Variants in THUMPD2 observed in about 807,000 individuals in gnomAD.
THUMPD2 encodes the protein THUMP domain 2 tRNA and snRNA guanosine methyltransferase.
Under a neutral mutation model 49.4 loss-of-function variants are expected in THUMPD2, and 56 were observed. That is an observed-to-expected ratio of 1.13 (90% CI 0.91 to 1.41). The LOEUF (loss-of-function observed/expected upper bound fraction) is 1.41. THUMPD2 is among the 40% of genes most tolerant of loss of function. The probability of loss-of-function intolerance (pLI) is 0.00; values close to 1 mark genes in which losing one functional copy is unlikely to be tolerated. For synonymous variants in THUMPD2, 237 were observed against 205.2 expected, an observed-to-expected ratio of 1.15 and a Z score of -1.32; for missense variants, 709 against 594.5, an observed-to-expected ratio of 1.19 and a Z score of -2.00.
intron 8 of THUMPD2, among the ~76,000 whole-genome samples, chr2:39,753,116 G>T (rs564767106): frequency 6.3e-4 from 96 of 152,208 alleles, no homozygotes; most frequent in Non-Finnish European, 1.0e-3. Flanking sequence ...AAAAACCCCT[G>T]CTTGATCCCC....
At position 39,761,404 on chromosome 2, in the gene THUMPD2, C is replaced by T; in HGVS notation, c.818G>A (p.Ser273Asn). Residue 273 changes from serine to asparagine, a missense_variant, in exon 6 of 10, where the codon AGC becomes AAC. Coordinates refer to ENST00000505747, the MANE Select transcript of THUMPD2 (RefSeq NM_025264.5). ...GIPVFRVSLA[S>N]RAYIKTAGLR... The stretch of plus-strand genomic sequence containing the variant: ...TCCAGCTGTCTTGATGTAAGCTCTG[C>T]TGGCTAGGGAAACCCTACAAAGGAT... 6.2e-7 allele frequency: 1 copy of T among 1,613,692 alleles called. No homozygotes were observed. The highest frequency in any genetic ancestry group is 8.5e-7 in the Non-Finnish European group (1 of 1,179,710).
intron 8 of THUMPD2, among the ~76,000 whole-genome samples, chr2:39,745,891 T>C (rs563676949): frequency 2.2e-4 from 33 of 152,300 alleles, no homozygotes; most frequent in African/African-American, 7.9e-4. Flanking sequence ...AAGCTTTTCT[T>C]GATGTGGTTG....
At position 39,743,362 on chromosome 2, in the gene THUMPD2, C is replaced by G. The variant is rs572495426; in HGVS notation, c.1187+1008G>C. Among the ~76,000 whole-genome samples the G allele has an allele frequency of 2.6e-5, 4 of 152,320 alleles. No homozygotes were observed. The South Asian group carries it at 8.3e-4, about 32-fold the overall frequency. On this transcript the variant is annotated intron_variant, in intron 9 of 9. Coordinates refer to ENST00000505747, the MANE Select transcript of THUMPD2 (RefSeq NM_025264.5). ...TATCCATGACTCATTGTTTCAATCT[C>G]TCAAAGGAATGCTTCCACTGAATTA...
chr2:39,755,301 CAG>C lies in THUMPD2; in HGVS notation c.1070_1071del (p.Ser357CysfsTer12). 1 of 1,535,954 alleles carries C rather than the reference CAG, an allele frequency of 6.5e-7. No homozygotes were observed. The highest frequency in any genetic ancestry group is 2.4e-5 in the Admixed American group (1 of 40,958). On this transcript the variant is annotated frameshift_variant, in exon 8 of 10. Transcript: ENST00000505747. LOFTEE classifies it high-confidence loss of function. ...LEDKIELLKI[S>X]VIELPLPSES... ...TGCATTTTTAGTATCTTACCTATAACAGAGATTTTAAGTAATTCAATTTTATC... is the reference window on the plus strand; with the variant it reads ...TGCATTTTTAGTATCTTACCTATAACAGATTTTAAGTAATTCAATTTTATC...
At chr2:39,742,146 TTC>T (rs1331853470) in intron 9 of THUMPD2, among the ~76,000 whole-genome samples, 6 of 152,086 alleles carry the variant, frequency 3.9e-5, no homozygotes, top group Admixed American at 3.9e-4. Flanking sequence ...AAGCCTATAC[TTC>T]ACCACTATAT....
rs1373416864 is a variant in THUMPD2 at position 39,766,130 on chromosome 2, G to C, written c.751-21C>G. On this transcript the variant is annotated intron_variant, in intron 4 of 9. Coordinates refer to ENST00000505747, the MANE Select transcript of THUMPD2 (RefSeq NM_025264.5). ...AAGATCTGAAAGAACAAACACAGAA[G>C]TTAGAATGGAACAAGAAACTTCATT... 3.3e-6 allele frequency: 5 copies of C among 1,530,182 alleles called. No homozygotes were observed. The African/African-American group carries it at 7.1e-5, about 22-fold the overall frequency. 94.8% of individuals were successfully genotyped at this position (1,530,182 alleles called of 1,614,324 possible). A position where few individuals can be genotyped will look rare whatever the true frequency, so the allele number is the denominator to read the frequency against.
chr2:39,736,417 T>TA lies in THUMPD2; in HGVS notation c.*317dup, dbSNP rs1673085391. 1 of 211,304 alleles carries TA rather than the reference T, an allele frequency of 4.7e-6. No individual in the cohort carries two copies. The highest frequency in any genetic ancestry group is 9.4e-6 in the Non-Finnish European group (1 of 106,580). 13.1% of individuals were successfully genotyped at this position (211,304 alleles called of 1,614,324 possible). A position where few individuals can be genotyped will look rare whatever the true frequency, so the allele number is the denominator to read the frequency against. ...CGTCTGGTGTTGATTGTGATACACT[T>TA]AAGTGAACCCCTGAAAACCTTTATT... On this transcript the variant is annotated 3_prime_UTR_variant, in exon 10 of 10. Transcript: ENST00000505747.
intron 6 of THUMPD2, chr2:39,757,173 G>A (rs1572814476): frequency 2.9e-6 from 1 of 348,726 alleles, no homozygotes; most frequent in East Asian, 8.2e-5. Flanking sequence ...GTGCTTCAAA[G>A]GCACTATGAG....
chr2:39,764,954 T>C (rs1056089228), intron 5 of THUMPD2, among the ~76,000 whole-genome samples: 1 of 152,216 alleles, frequency 6.6e-6, no homozygotes, highest in African/African-American at 2.4e-5. Context: ...TGGCATGACG[T>C]CTTGAATGTT....
At chr2:39,777,346 G>A (rs975103459) in intron 1 of THUMPD2, among the ~76,000 whole-genome samples, 4 of 152,172 alleles carry the variant, frequency 2.6e-5, no homozygotes, top group South Asian at 2.1e-4. Context: ...GTACTCTACC[G>A]TGGTGTTACA....
intron 8 of THUMPD2, among the ~76,000 whole-genome samples, chr2:39,746,017 T>C (rs896720677): frequency 3.3e-5 from 5 of 152,222 alleles, no homozygotes. Flanking sequence ...TAAGATTATG[T>C]ACCTCAGAAG....
intron 9 of THUMPD2, among the ~76,000 whole-genome samples, chr2:39,739,856 A>T (rs1176302521): frequency 6.6e-6 from 1 of 152,250 alleles, no homozygotes. Context: ...TCTTGAAGAC[A>T]GAAACTGAAG....
At chr2:39,758,734 C>T (rs182045222) in intron 6 of THUMPD2, among the ~76,000 whole-genome samples, 84 of 151,380 alleles carry the variant, frequency 5.5e-4, no homozygotes, top group Non-Finnish European at 1.0e-3. Context: ...ACATTTTAGT[C>T]CTAGTGAGCT....
chr2:39,749,576 T>C (rs1675108229), intron 8 of THUMPD2, among the ~76,000 whole-genome samples: 1 of 152,256 alleles, frequency 6.6e-6, no homozygotes, highest in Non-Finnish European at 1.5e-5. Context: ...GGGCCTAGCA[T>C]TCTTAGAATT....
At chr2:39,744,252 C>A in intron 9 of THUMPD2, 118 bp downstream of exon 9, 1 of 532,062 alleles carries the variant, frequency 1.9e-6, no homozygotes, top group South Asian at 3.6e-5. Context: ...GAAAATTAAG[C>A]TACAAAAACT....
intron 9 of THUMPD2, among the ~76,000 whole-genome samples, chr2:39,740,499 T>C (rs1251745148): frequency 6.6e-6 from 1 of 152,216 alleles, no homozygotes; most frequent in Non-Finnish European, 1.5e-5. Flanking sequence ...GTAATTTTGT[T>C]CAAATAATGG....
chr2:39,773,568 T>C (rs1572885346), intron 1 of THUMPD2, among the ~76,000 whole-genome samples: 1 of 40,020 alleles, frequency 2.5e-5, no homozygotes, highest in East Asian at 1.5e-3. Flanking sequence ...AATATATATA[T>C]ATTTATATTT....
chr2:39,771,664 A>G, intron 1 of THUMPD2, 24 bp from the exon 2 acceptor site: 1 of 1,595,580 alleles, frequency 6.3e-7, no homozygotes, highest in Non-Finnish European at 8.5e-7. Flanking sequence ...AACAGCTTTT[A>G]ATGTAGTCCA....
intron 5 of THUMPD2, among the ~76,000 whole-genome samples, chr2:39,762,135 A>G (rs2148296662): frequency 6.6e-6 from 1 of 152,280 alleles, no homozygotes; most frequent in East Asian, 1.9e-4. Flanking sequence ...TCTCCTTGGA[A>G]ATTACAACTT....
Sources: gnomAD v4.1 joint callset for allele counts (sites outside exome capture counted in the v4.1 genomes callset) on GRCh38, gnomAD v4.1.1 for gene constraint, MANE v1.5 for transcripts, NCBI Gene and HGNC (gene_info 2026-07-23, HGNC 2026-07-21) for gene names.